The following RIT2 variants were observed in gnomAD, a reference collection of about 807,000 sequenced individuals.
RIT2 encodes the protein Ras like without CAAX 2, also known as GTP-binding protein Rit2.
Under a neutral mutation model 23.7 loss-of-function variants are expected in RIT2, and 24 were observed. That is an observed-to-expected ratio of 1.01 (90% confidence interval 0.73 to 1.43). The LOEUF (loss-of-function observed/expected upper bound fraction) is 1.43. Ranked by LOEUF, RIT2 falls within the 40% of genes most tolerant of loss-of-function variation. The pLI, the probability that RIT2 is intolerant of heterozygous loss-of-function variation, is 0.00. For missense variants in RIT2, 236 were observed against 266.9 expected, an observed-to-expected ratio of 0.88 and a Z score of 0.81; for synonymous variants, 107 against 91.1, an observed-to-expected ratio of 1.17 and a Z score of -0.99.
intron 4 of RIT2, among the ~76,000 whole-genome samples, chr18:42,819,817 T>C (rs16976965): frequency 6.6e-6 from 1 of 152,072 alleles, no homozygotes; most frequent in Non-Finnish European, 1.5e-5. Flanking sequence ...ATGGATGTTT[T>C]CTATGTGATA....
intron 2 of RIT2, 44 bp downstream of exon 2, chr18:43,033,767 A>C (rs1270826825): frequency 3.0e-6 from 4 of 1,332,416 alleles, no homozygotes; most frequent in Non-Finnish European, 4.3e-6. Flanking sequence ...ACTTAGTCAC[A>C]GTGTCTTTAT....
At chr18:43,069,126 CAAA>C (rs963788766) in intron 1 of RIT2, among the ~76,000 whole-genome samples, 1 of 152,148 alleles carries the variant, frequency 6.6e-6, no homozygotes, top group African/African-American at 2.4e-5. Flanking sequence ...TCAATTCTTG[CAAA>C]ATATAGTAAT....
chr18:43,018,378 C>T lies in RIT2; in HGVS notation c.160+15433G>A, dbSNP rs751597088. On this transcript the variant is annotated intron_variant, in intron 2 of 4. Coordinates refer to ENST00000326695, the MANE Select transcript of RIT2 (RefSeq NM_002930.4). The stretch of plus-strand genomic sequence containing the variant: ...GTTTCTGCTTTTTTTTTTTAAGATA[C>T]AAGTATTTCAGGAAACTACATCAAA... Among the ~76,000 whole-genome samples the T allele has an allele frequency of 3.3e-5, 5 of 151,072 alleles. No individual in the cohort carries two copies. In the East Asian group the frequency reaches 9.8e-4, roughly 30 times the overall value.
chr18:42,856,214 T>C (rs1368117903), intron 4 of RIT2, among the ~76,000 whole-genome samples: 1 of 152,238 alleles, frequency 6.6e-6, no homozygotes, highest in Non-Finnish European at 1.5e-5. Flanking sequence ...AAATTGTATG[T>C]GATCTACTTT....
intron 4 of RIT2, among the ~76,000 whole-genome samples, chr18:42,879,048 C>A (rs562663374): frequency 6.6e-6 from 1 of 152,196 alleles, no homozygotes; most frequent in South Asian, 2.1e-4. Flanking sequence ...AAATTATTCT[C>A]ATTTTCTCTC....
At chr18:42,875,115 T>C (rs1156242707) in intron 4 of RIT2, among the ~76,000 whole-genome samples, 4 of 152,052 alleles carry the variant, frequency 2.6e-5, no homozygotes, top group Admixed American at 2.6e-4. Context: ...TACTAGAGTG[T>C]CTGCCACCTC....
Position 43,095,154 on chromosome 18 carries a change from T to G in RIT2, c.103+20263A>C, listed in dbSNP as rs142356745. Among the ~76,000 whole-genome samples, 540 of 152,242 alleles carry G rather than the reference T, an allele frequency of 3.5e-3. 3 individuals carry two copies. The highest frequency in any genetic ancestry group is 0.011 in the African/African-American group (454 of 41,578). ...ATAGCCACACTGTCCTCCACAATGG[T>G]TGAACTAATTTACACTCCCACGAAC... On this transcript the variant is annotated intron_variant, in intron 1 of 4. Transcript: ENST00000326695.
chr18:42,973,955 A>T lies in RIT2; in HGVS notation c.234+119T>A, dbSNP rs1910420516. ...TTTTAAAATTTAATTCCTGATTGTT[A>T]TCACAAATTTGTTCTTCTTCTGCTT... On this transcript the variant is annotated intron_variant, in intron 3 of 4. Transcript: ENST00000326695. 4 of 619,528 alleles carry T rather than the reference A, an allele frequency of 6.5e-6. No homozygotes were observed. The East Asian group carries it at 1.3e-4, about 20-fold the overall frequency. The allele number at this position is 619,528 out of a possible 1,614,324, so 38.4% of individuals were successfully genotyped here.
rs764519999 is a variant in RIT2, at chr18:42,761,212, A to G, written c.427-17492T>C. Among the ~76,000 whole-genome samples, 7 of 152,078 alleles carry G rather than the reference A, an allele frequency of 4.6e-5. No individual in the cohort carries two copies. The South Asian group carries it at 1.0e-3, about 23-fold the overall frequency. ...CTTCATTATCCTGTTTTATCCCTTTAGCTTTTCTCCTTGGACTTGTCTTTT... is the reference window on the plus strand; with the variant it reads ...CTTCATTATCCTGTTTTATCCCTTTGGCTTTTCTCCTTGGACTTGTCTTTT... On this transcript the variant is annotated intron_variant, in intron 4 of 4. Transcript: ENST00000326695.
intron 4 of RIT2, among the ~76,000 whole-genome samples, chr18:42,825,905 A>G (rs1156232262): frequency 6.6e-6 from 1 of 151,990 alleles, no homozygotes; most frequent in African/African-American, 2.4e-5. Context: ...GAAAACTGGT[A>G]ACAATGCAAA....
At chr18:42,981,951 T>C (rs1183564176) in intron 2 of RIT2, among the ~76,000 whole-genome samples, 2 of 152,186 alleles carry the variant, frequency 1.3e-5, no homozygotes. Flanking sequence ...AGCTTTATAA[T>C]TGCAGTCCAC....
chr18:42,788,657 T>A (rs1028891336), intron 4 of RIT2, among the ~76,000 whole-genome samples: 10 of 152,226 alleles, frequency 6.6e-5, no homozygotes, highest in African/African-American at 2.4e-4. Flanking sequence ...CAGCTCCATG[T>A]AGTAGATGTA....
intron 4 of RIT2, among the ~76,000 whole-genome samples, chr18:42,916,665 TGAGG>T: frequency 6.6e-6 from 1 of 152,106 alleles, no homozygotes; most frequent in Non-Finnish European, 1.5e-5. Context: ...ATAATCCAGA[TGAGG>T]GATAGGGATA....
chr18:43,007,013 T>C (rs901703413), intron 2 of RIT2, among the ~76,000 whole-genome samples: 3 of 151,506 alleles, frequency 2.0e-5, no homozygotes, highest in African/African-American at 7.3e-5. Flanking sequence ...AAAAACAGAA[T>C]AATATATTTA....
chr18:42,992,780 C>T (rs1325941211), intron 2 of RIT2, among the ~76,000 whole-genome samples: 2 of 152,124 alleles, frequency 1.3e-5, no homozygotes, highest in African/African-American at 4.8e-5. Flanking sequence ...AGCGTTTAGG[C>T]TCTTTCTCAT....
chr18:42,930,363 G>C (rs567475087), intron 3 of RIT2, among the ~76,000 whole-genome samples: 1 of 151,748 alleles, frequency 6.6e-6, no homozygotes, highest in African/African-American at 2.4e-5. Flanking sequence ...CCTTGAATGA[G>C]AGGTCACAAT....
intron 3 of RIT2, among the ~76,000 whole-genome samples, chr18:42,954,789 C>A (rs1326978994): frequency 6.6e-6 from 1 of 152,040 alleles, no homozygotes; most frequent in Non-Finnish European, 1.5e-5. Context: ...TACTTTAAGA[C>A]TTCTATTGTC....
At chr18:43,047,621 A>G (rs913415645) in intron 1 of RIT2, among the ~76,000 whole-genome samples, 2 of 152,044 alleles carry the variant, frequency 1.3e-5, no homozygotes, top group Non-Finnish European at 2.9e-5. Flanking sequence ...AAATTATTAT[A>G]TTTATAAACT....
At chr18:42,854,395 T>C (rs887030968) in intron 4 of RIT2, among the ~76,000 whole-genome samples, 10 of 152,162 alleles carry the variant, frequency 6.6e-5, no homozygotes, top group Admixed American at 6.5e-4. Context: ...TGGGAGATCT[T>C]GCATGATTAT....
Sources: allele counts gnomAD v4.1 joint callset (sites outside exome capture counted in the v4.1 genomes callset), GRCh38; gene constraint gnomAD v4.1.1; transcripts MANE v1.5; gene names NCBI Gene and HGNC (gene_info 2026-07-23, HGNC 2026-07-21).